Variants in GRIK2 observed in about 807,000 individuals in gnomAD.
GRIK2 encodes glutamate ionotropic receptor kainate type subunit 2.
GRIK2 carries 32 observed loss-of-function variants against 100.3 expected under a neutral mutation model. That is an observed-to-expected ratio of 0.32 (90% CI 0.24 to 0.43). GRIK2 has a LOEUF of 0.43. Ranked by LOEUF, GRIK2 falls within the 20% of genes least tolerant of loss-of-function variation. GRIK2 has a pLI of 1.00. For missense variants in GRIK2, 843 were observed against 1,114.9 expected (o/e 0.76, Z 3.47); for synonymous variants, 417 against 389.4 (o/e 1.07, Z -0.83).
chr6:102,034,117 T>C (rs1475113649), intron 14 of GRIK2, among the ~76,000 whole-genome samples: 1 of 151,308 alleles, frequency 6.6e-6, no homozygotes. Flanking sequence ...TGTTCAGTGT[T>C]TCACTGGGGA....
At chr6:101,829,632 A>G (rs1358881017) in intron 10 of GRIK2, among the ~76,000 whole-genome samples, 1 of 151,950 alleles carries the variant, frequency 6.6e-6, no homozygotes, top group Non-Finnish European at 1.5e-5. Flanking sequence ...CAAGAATGCA[A>G]TCCCATTTAC....
intron 15 of GRIK2, among the ~76,000 whole-genome samples, chr6:102,048,125 A>G (rs540619237): frequency 2.6e-5 from 4 of 151,440 alleles, no homozygotes; most frequent in African/African-American, 9.7e-5. Context: ...ACAGTTCTTC[A>G]ATCAACGGCG....
intron 11 of GRIK2, among the ~76,000 whole-genome samples, chr6:101,863,780 A>G (rs529813060): frequency 6.6e-6 from 1 of 152,138 alleles, no homozygotes; most frequent in Admixed American, 6.5e-5. Context: ...AAAGTTTCTT[A>G]CTCTGTCTTG....
At chr6:101,739,839 A>G (rs1484078817) in intron 7 of GRIK2, among the ~76,000 whole-genome samples, 3 of 152,140 alleles carry the variant, frequency 2.0e-5, no homozygotes, top group Non-Finnish European at 4.4e-5. Flanking sequence ...CAAACCTCAC[A>G]CAATTTTCTG....
At chr6:101,722,824 G>T (rs937054054) in intron 7 of GRIK2, among the ~76,000 whole-genome samples, 1 of 152,062 alleles carries the variant, frequency 6.6e-6, no homozygotes, top group African/African-American at 2.4e-5. Context: ...GAAGTCTGGG[G>T]CCAAAGCTGA....
chr6:101,603,017 A>G (rs1779294622), intron 2 of GRIK2, among the ~76,000 whole-genome samples: 1 of 151,678 alleles, frequency 6.6e-6, no homozygotes, highest in African/African-American at 2.4e-5. Context: ...CTTGTTGACT[A>G]CATTCGATTG....
At position 101,582,051 on chromosome 6, in the gene GRIK2, T is replaced by G. The variant is rs547063937; in HGVS notation, c.116-39898T>G. ...GTGAGTTCTCATGAGATCTGATGGG[T>G]TTTTTTTTCATTGTTTTTATTTTTA... On this transcript the variant is annotated intron_variant, in intron 2 of 16. Transcript: ENST00000369134. Among the ~76,000 whole-genome samples, 32 of 150,084 alleles carry G rather than the reference T, an allele frequency of 2.1e-4. No homozygotes were observed. The East Asian group carries it at 5.6e-3, about 26-fold the overall frequency.
intron 10 of GRIK2, among the ~76,000 whole-genome samples, chr6:101,820,217 C>T (rs1325996494): frequency 6.6e-6 from 1 of 152,062 alleles, no homozygotes; most frequent in African/African-American, 2.4e-5. Flanking sequence ...GCATTATTTT[C>T]CCAAATATCA....
At chr6:101,645,970 C>T (rs1293306125) in intron 4 of GRIK2, among the ~76,000 whole-genome samples, 4 of 151,974 alleles carry the variant, frequency 2.6e-5, no homozygotes, top group Non-Finnish European at 5.9e-5. Flanking sequence ...TAAATTCTAT[C>T]GCCACCTAGT....
intron 14 of GRIK2, chr6:101,993,524 G>C (rs181532556): frequency 3.4e-4 from 51 of 150,998 alleles, no homozygotes; most frequent in Middle Eastern, 4.4e-3. Flanking sequence ...TTCTTCACAG[G>C]CTTTAAAATC....
intron 2 of GRIK2, among the ~76,000 whole-genome samples, chr6:101,564,760 G>T (rs1777174663): frequency 6.6e-6 from 1 of 152,000 alleles, no homozygotes; most frequent in African/African-American, 2.4e-5. Flanking sequence ...ATATGATCTG[G>T]TACCATGGAT....
intron 2 of GRIK2, among the ~76,000 whole-genome samples, chr6:101,492,662 C>T (rs932822410): frequency 6.6e-6 from 1 of 151,864 alleles, no homozygotes; most frequent in African/African-American, 2.4e-5. Context: ...TGGAATTAGA[C>T]ATTTCTCCAG....
intron 7 of GRIK2, among the ~76,000 whole-genome samples, chr6:101,757,377 A>C (rs1450483606): frequency 2.0e-5 from 3 of 152,192 alleles, no homozygotes; most frequent in Non-Finnish European, 2.9e-5. Context: ...AAAATCATGA[A>C]TATGTTAAAT....
At chr6:101,715,196 C>CT (rs1243924450) in intron 7 of GRIK2, among the ~76,000 whole-genome samples, 1 of 151,630 alleles carries the variant, frequency 6.6e-6, no homozygotes, top group Non-Finnish European at 1.5e-5. Context: ...ATTTGCTCAC[C>CT]TTTTTGGTAG....
At chr6:101,794,256 A>G (rs1378775953) in intron 7 of GRIK2, among the ~76,000 whole-genome samples, 1 of 152,094 alleles carries the variant, frequency 6.6e-6, no homozygotes, top group East Asian at 1.9e-4. Flanking sequence ...AGTGAGATGA[A>G]CCCGGTACCT....
chr6:102,054,824 T>C (rs1347736024), intron 15 of GRIK2, among the ~76,000 whole-genome samples: 1 of 152,150 alleles, frequency 6.6e-6, no homozygotes, highest in East Asian at 1.9e-4. Context: ...CAGATACTAG[T>C]GACTGCCCAT....
intron 2 of GRIK2, among the ~76,000 whole-genome samples, chr6:101,531,973 T>C (rs1562205408): frequency 6.6e-6 from 1 of 151,980 alleles, no homozygotes; most frequent in Non-Finnish European, 1.5e-5. Flanking sequence ...GTTTTATCTA[T>C]ATCCCAAAGC....
intron 2 of GRIK2, among the ~76,000 whole-genome samples, chr6:101,567,356 C>T (rs560152577): frequency 1.9e-4 from 29 of 151,992 alleles, no homozygotes; most frequent in Non-Finnish European, 3.1e-4. Flanking sequence ...ATGCATCTTA[C>T]AAGATAAATG....
At chr6:101,879,219 T>C (rs1582442115) in intron 11 of GRIK2, among the ~76,000 whole-genome samples, 1 of 152,036 alleles carries the variant, frequency 6.6e-6, no homozygotes, top group Non-Finnish European at 1.5e-5. Context: ...CAATATTCCA[T>C]GTACACAAAG....
Sources: gnomAD v4.1 joint callset for allele counts (sites outside exome capture counted in the v4.1 genomes callset) on GRCh38, gnomAD v4.1.1 for gene constraint, MANE v1.5 for transcripts, NCBI Gene and HGNC (gene_info 2026-07-23, HGNC 2026-07-21) for gene names.